Variants in CASD1 observed in about 807,000 individuals in gnomAD.
The protein encoded by CASD1 is CAS1 domain sialic acid O acetyltransferase 1, also known as N-acetylneuraminate (7)9-O-acetyltransferase.
CASD1 carries 41 observed loss-of-function variants against 100.0 expected under a neutral mutation model. The observed-to-expected ratio is 0.41, with a 90% CI of 0.32 to 0.53. CASD1 has a LOEUF of 0.53. CASD1 is among the 20% of genes least tolerant of loss of function. CASD1 has a pLI of 0.25. For synonymous variants in CASD1, 321 were observed against 315.6 expected (o/e 1.02, Z -0.18); for missense variants, 774 against 948.7 (o/e 0.82, Z 2.42).
chr7:94,603,840 TACTA>T, the CASD1 span, among the ~76,000 whole-genome samples: 15 of 152,290 alleles, frequency 9.8e-5, no homozygotes, highest in Middle Eastern at 3.4e-3. Flanking sequence ...ATAACCCCAC[TACTA>T]CAATAATAAA....
the CASD1 span, chr7:94,617,796 A>ACT: frequency 0.78 from 118,788 of 151,958 alleles, 47,162 homozygotes; most frequent in African/African-American, 0.92. Flanking sequence ...CCTTTTACCT[A>ACT]CCCACAGACT....
chr7:94,527,875 C>G (rs1489042697), intron 4 of CASD1, among the ~76,000 whole-genome samples: 4 of 152,114 alleles, frequency 2.6e-5, no homozygotes, highest in African/African-American at 7.2e-5. Context: ...TAACAACTTA[C>G]AGGATTTTAG....
At chr7:94,604,850 TA>T in the CASD1 span, among the ~76,000 whole-genome samples, 1 of 73,216 alleles carries the variant, frequency 1.4e-5, no homozygotes, top group East Asian at 5.0e-4. Context: ...TATATATATA[TA>T]TATATATAAT....
At chr7:94,544,328 A>G in intron 10 of CASD1, 83 bp from the exon 11 acceptor site, 1 of 1,492,026 alleles carries the variant, frequency 6.7e-7, no homozygotes, top group South Asian at 1.2e-5. Context: ...ATCATTTATT[A>G]TCTTTGTTAA....
intron 3 of CASD1, among the ~76,000 whole-genome samples, chr7:94,523,878 T>C (rs1163917679): frequency 1.3e-5 from 2 of 152,152 alleles, no homozygotes; most frequent in Non-Finnish European, 2.9e-5. Context: ...TGTAGAGCTC[T>C]AAAATAGAAA....
chr7:94,618,865 G>A, the CASD1 span: 28 of 1,613,718 alleles, frequency 1.7e-5, no homozygotes, highest in African/African-American at 6.7e-5. Context: ...TTTTCACTGC[G>A]CCAAGAAAGT....
chr7:94,616,451 C>T, the CASD1 span, among the ~76,000 whole-genome samples: 1 of 152,110 alleles, frequency 6.6e-6, no homozygotes, highest in Non-Finnish European at 1.5e-5. Context: ...TATTTTTAAA[C>T]AAAAATTTTT....
chr7:94,519,919 G>A (rs942141393), intron 3 of CASD1, among the ~76,000 whole-genome samples: 16 of 152,108 alleles, frequency 1.1e-4, no homozygotes, highest in Non-Finnish European at 1.8e-4. Context: ...TTTGACAATA[G>A]GTAGTTGAAA....
chr7:94,606,315 GCAGGAGGAGCTATATTAATTT>G, the CASD1 span, among the ~76,000 whole-genome samples: 2 of 152,278 alleles, frequency 1.3e-5, no homozygotes, highest in South Asian at 2.1e-4. Context: ...TAACTAAAAA[GCAGGAGGAGCTATATTAATTT>G]CAGACAGAGC....
Position 94,522,978 on chromosome 7 carries a change from G to A in CASD1, c.352-4184G>A, listed in dbSNP as rs552163685. 3.9e-5 allele frequency among the ~76,000 whole-genome samples: 6 copies of A among 152,172 alleles called. No individual in the cohort carries two copies. In the South Asian group the frequency reaches 8.3e-4, roughly 21 times the overall value. On this transcript the variant is annotated intron_variant, in intron 3 of 17. Transcript: ENST00000297273. ...ACCCGGCCAACTTTTTATTTTTAAC[G>A]TGTATTACACCATTAAGCAAGTTCC...
chr7:94,613,188 A>T, the CASD1 span, among the ~76,000 whole-genome samples: 2 of 152,338 alleles, frequency 1.3e-5, no homozygotes, highest in South Asian at 4.1e-4. Flanking sequence ...AAGTTTTTTT[A>T]AAAAGTATAT....
chr7:94,574,541 G>A, the CASD1 span, among the ~76,000 whole-genome samples: 1 of 151,788 alleles, frequency 6.6e-6, no homozygotes, highest in Non-Finnish European at 1.5e-5. Context: ...AGTTTCTGAT[G>A]GTTAGTTTTA....
At chr7:94,566,106 G>A in the CASD1 span, among the ~76,000 whole-genome samples, 1 of 152,152 alleles carries the variant, frequency 6.6e-6, no homozygotes, top group East Asian at 1.9e-4. Context: ...GTTTTTTGAA[G>A]GGAGAGCTGA....
At position 94,547,179 on chromosome 7, in the gene CASD1, T is replaced by G. The variant is rs572588639; in HGVS notation, c.1713+4T>G. 24 of 1,553,118 alleles carry G rather than the reference T, an allele frequency of 1.5e-5. No individual in the cohort carries two copies. The highest frequency in any genetic ancestry group is 2.0e-5 in the Non-Finnish European group (23 of 1,146,476). On this transcript the variant is annotated splice_donor_region_variant and intron_variant, in intron 13 of 17. Coordinates refer to ENST00000297273, the MANE Select transcript of CASD1 (RefSeq NM_022900.5). The stretch of plus-strand genomic sequence containing the variant: ...ATGTTTTTTGGCATATTCTCAGGTT[T>G]GTACAATCTTTTCAGTTTATATTTT...
At chr7:94,582,181 G>A in the CASD1 span, among the ~76,000 whole-genome samples, 1 of 152,126 alleles carries the variant, frequency 6.6e-6, no homozygotes, top group Non-Finnish European at 1.5e-5. Context: ...GCAGTGGCAC[G>A]ATCTCAGCTC....
At chr7:94,519,261 T>C (rs1191896171) in intron 3 of CASD1, among the ~76,000 whole-genome samples, 1 of 152,212 alleles carries the variant, frequency 6.6e-6, no homozygotes, top group African/African-American at 2.4e-5. Context: ...TTTATACCTT[T>C]TTAAGTGATC....
chr7:94,567,366 G>C, the CASD1 span, among the ~76,000 whole-genome samples: 2 of 152,094 alleles, frequency 1.3e-5, no homozygotes, highest in Non-Finnish European at 2.9e-5. Flanking sequence ...TGTCATACCA[G>C]TGGTTACCTT....
At chr7:94,580,456 T>C in the CASD1 span, among the ~76,000 whole-genome samples, 6 of 152,220 alleles carry the variant, frequency 3.9e-5, no homozygotes, top group Non-Finnish European at 7.3e-5. Flanking sequence ...TTCTTCATCA[T>C]CTTAGCATTT....
chr7:94,587,919 C>A, the CASD1 span: 5 of 1,456,646 alleles, frequency 3.4e-6, no homozygotes, highest in Admixed American at 1.5e-4. Flanking sequence ...AATAGTTTCC[C>A]TACCACAATG....
Sources: gnomAD v4.1 joint callset for allele counts (sites outside exome capture counted in the v4.1 genomes callset) on GRCh38, gnomAD v4.1.1 for gene constraint, MANE v1.5 for transcripts, NCBI Gene and HGNC (gene_info 2026-07-23, HGNC 2026-07-21) for gene names.